GSE1: variants seen among roughly 807,000 people sequenced by gnomAD.
GSE1 encodes the protein Gse1 coiled-coil protein.
A neutral mutation model predicts 112.6 loss-of-function variants in GSE1; 32 were observed. That is an observed-to-expected ratio of 0.28 (90% CI 0.21 to 0.38). The LOEUF is 0.38. GSE1 is among the 10% of genes least tolerant of loss of function. GSE1 has a pLI of 1.00. For missense variants in GSE1, 2,348 were observed against 1,699.2 expected (o/e 1.38, Z -6.71); for synonymous variants, 1,115 against 735.6 (o/e 1.52, Z -8.35).
intron 1 of GSE1, among the ~76,000 whole-genome samples, chr16:85,259,593 C>G (rs1907457616): frequency 6.6e-6 from 1 of 152,216 alleles, no homozygotes; most frequent in Admixed American, 6.5e-5. Flanking sequence ...GGAGGAGCTG[C>G]TTGTCCTGCT....
upstream of GSE1, among the ~76,000 whole-genome samples, chr16:85,553,134 G>GC (rs796822937): frequency 3.7e-4 from 55 of 149,802 alleles, no homozygotes; most frequent in Admixed American, 1.5e-3. Context: ...CGCTCTGGCC[G>GC]CCCCCCGCCC....
intron 2 of GSE1, among the ~76,000 whole-genome samples, chr16:85,523,681 T>C (rs1349941617): frequency 6.6e-6 from 1 of 152,204 alleles, no homozygotes; most frequent in Non-Finnish European, 1.5e-5. Context: ...CCCCCAAACC[T>C]TCCCTGGGTT....
intron 2 of GSE1, among the ~76,000 whole-genome samples, chr16:85,443,960 C>T (rs933490693): frequency 6.9e-6 from 1 of 145,434 alleles, no homozygotes; most frequent in African/African-American, 2.6e-5. Flanking sequence ...GTGGCTGCCA[C>T]GTTCCGGGAG....
Position 85,371,799 on chromosome 16 carries a change from G to A in GSE1, c.2464+14156G>A, listed in dbSNP as rs114241613. ...TCACTGAATCCCACCCTCCTTTCCC[G>A]TGGAGGGGGAAACTGAGGCTGCTCA... On this transcript the variant is annotated intron_variant, in intron 2 of 2. Coordinates refer to the GSE1 transcript ENST00000637419. 7.3e-3 allele frequency among the ~76,000 whole-genome samples: 1,112 copies of A among 152,304 alleles called. 14 individuals carry two copies. Among genetic ancestry groups the A allele is most frequent in the African/African-American group, 0.025 (1,026 of 41,568 alleles).
At chr16:85,250,686 C>T (rs1035761328) in intron 1 of GSE1, among the ~76,000 whole-genome samples, 1 of 152,152 alleles carries the variant, frequency 6.6e-6, no homozygotes, top group African/African-American at 2.4e-5. Context: ...ATTCACATAT[C>T]ATGCAAGCCA....
chr16:85,248,266 C>A (rs954593421), intron 1 of GSE1, among the ~76,000 whole-genome samples: 1 of 152,210 alleles, frequency 6.6e-6, no homozygotes, highest in African/African-American at 2.4e-5. Flanking sequence ...TTACCTTTCC[C>A]CTTCTCTGAC....
chr16:85,191,851 G>A lies in GSE1; in HGVS notation c.2283+20044G>A, dbSNP rs1019249194. 7.9e-5 allele frequency among the ~76,000 whole-genome samples: 12 copies of A among 152,160 alleles called. No individual in the cohort carries two copies. In the South Asian group the frequency reaches 1.5e-3, roughly 18 times the overall value. ...TAGAAGATTTCCCTGACACCATGAC[G>A]GATAGACTTGGGTGGTGGGACGGTC... On this transcript the variant is annotated intron_variant, in intron 1 of 2. Transcript: ENST00000637419.
chr16:85,342,924 T>C (rs2046655686), intron 1 of GSE1, among the ~76,000 whole-genome samples: 1 of 150,698 alleles, frequency 6.6e-6, no homozygotes, highest in Non-Finnish European at 1.5e-5. Flanking sequence ...GGGGTGCCGC[T>C]GAAAAGGGGG....
chr16:85,192,623 A>G (rs2074846930), intron 1 of GSE1, among the ~76,000 whole-genome samples: 1 of 151,930 alleles, frequency 6.6e-6, no homozygotes, highest in Admixed American at 6.6e-5. Flanking sequence ...TTTTGTTCTT[A>G]TTGAGTGACC....
intron 2 of GSE1, among the ~76,000 whole-genome samples, chr16:85,476,229 A>C (rs902613374): frequency 6.6e-6 from 1 of 152,050 alleles, no homozygotes; most frequent in Non-Finnish European, 1.5e-5. Context: ...ACCGTGCCTC[A>C]CCTTTTGTTG....
chr16:85,482,301 G>C (rs570385641), intron 2 of GSE1, among the ~76,000 whole-genome samples: 3 of 152,228 alleles, frequency 2.0e-5, no homozygotes, highest in Non-Finnish European at 4.4e-5. Context: ...AGTCCTGCCA[G>C]GTGAGAGATC....
chr16:85,666,490 T>G, intron 13 of GSE1, 143 bp downstream of exon 13: 1 of 759,962 alleles, frequency 1.3e-6, no homozygotes, highest in South Asian at 1.8e-5. Flanking sequence ...AATTTCGTTA[T>G]TATGCCAAAA....
intron 1 of GSE1, among the ~76,000 whole-genome samples, chr16:85,221,330 A>AC (rs1269993900): frequency 6.8e-6 from 1 of 147,910 alleles, no homozygotes; most frequent in African/African-American, 2.5e-5. Context: ...ACACACACAC[A>AC]CACACCCCAA....
At chr16:85,656,038 C>G in intron 6 of GSE1, 121 bp downstream of exon 6, 2 of 787,920 alleles carry the variant, frequency 2.5e-6, no homozygotes, top group South Asian at 1.8e-5. Flanking sequence ...CACAGTTTGT[C>G]CACCTGCCAA....
At chr16:85,342,863 C>T (rs182690407) in intron 1 of GSE1, among the ~76,000 whole-genome samples, 59 of 151,280 alleles carry the variant, frequency 3.9e-4, no homozygotes, top group African/African-American at 1.4e-3. Flanking sequence ...AGCGGCACCC[C>T]CTCTCCATGC....
chr16:85,284,664 T>C (rs539372987), intron 1 of GSE1, among the ~76,000 whole-genome samples: 1 of 151,614 alleles, frequency 6.6e-6, no homozygotes, highest in South Asian at 2.1e-4. Flanking sequence ...GCTGGGAGAG[T>C]CGTGGTCCAC....
intron 1 of GSE1, among the ~76,000 whole-genome samples, chr16:85,192,508 G>A (rs1225640276): frequency 6.6e-6 from 1 of 152,182 alleles, no homozygotes; most frequent in Non-Finnish European, 1.5e-5. Context: ...GTTGCTGGGT[G>A]CCCAGGTTGT....
At chr16:85,497,481 A>G (rs975801415) in intron 2 of GSE1, among the ~76,000 whole-genome samples, 6 of 152,182 alleles carry the variant, frequency 3.9e-5, no homozygotes, top group African/African-American at 1.4e-4. Context: ...TCTTCAGCCC[A>G]GTGCCCAGCA....
chr16:85,454,241 A>G (rs2049762815), intron 2 of GSE1, among the ~76,000 whole-genome samples: 1 of 152,202 alleles, frequency 6.6e-6, no homozygotes, highest in South Asian at 2.1e-4. Flanking sequence ...ATGTGGTAGC[A>G]TTGGTGGTGT....
Sources: allele counts gnomAD v4.1 joint callset (sites outside exome capture counted in the v4.1 genomes callset), GRCh38; gene constraint gnomAD v4.1.1; transcripts MANE v1.5; gene names NCBI Gene and HGNC (gene_info 2026-07-23, HGNC 2026-07-21).